LARGE1: variants seen among roughly 807,000 people sequenced by gnomAD.
The protein encoded by LARGE1 is xylosyl- and glucuronyltransferase LARGE1.
LARGE1 carries 43 observed loss-of-function variants against 87.6 expected under a neutral mutation model. The observed-to-expected ratio is 0.49, with a 90% CI of 0.38 to 0.63. The LOEUF is 0.63. Ranked by LOEUF, LARGE1 falls within the 30% of genes least tolerant of loss-of-function variation. The probability of loss-of-function intolerance (pLI) is 0.00; values close to 1 mark genes in which losing one functional copy is unlikely to be tolerated. For missense variants in LARGE1, 802 were observed against 1,000.2 expected, an observed-to-expected ratio of 0.80 and a Z score of 2.67; for synonymous variants, 434 against 394.6, an observed-to-expected ratio of 1.10 and a Z score of -1.18.
At chr22:33,393,938 T>C (rs1039365648) in intron 7 of LARGE1, among the ~76,000 whole-genome samples, 8 of 152,214 alleles carry the variant, frequency 5.3e-5, no homozygotes, top group African/African-American at 1.2e-4. Context: ...TTTTCATCTG[T>C]GGATCAGAGG....
At chr22:33,336,198 T>C (rs1938420944) in intron 10 of LARGE1, among the ~76,000 whole-genome samples, 1 of 152,040 alleles carries the variant, frequency 6.6e-6, no homozygotes, top group Admixed American at 6.6e-5. Context: ...CCATGTAAGT[T>C]TGTTGTTATT....
At chr22:33,302,436 T>C (rs1390741121) in intron 12 of LARGE1, among the ~76,000 whole-genome samples, 5 of 151,976 alleles carry the variant, frequency 3.3e-5, no homozygotes, top group Non-Finnish European at 7.4e-5. Context: ...AGGGGAGGGA[T>C]TAACACTAGG....
At chr22:33,200,937 C>T (rs183601336) in intron 11 of LARGE1, among the ~76,000 whole-genome samples, 1 of 152,204 alleles carries the variant, frequency 6.6e-6, no homozygotes, top group East Asian at 1.9e-4. Flanking sequence ...GAATGGTATA[C>T]ATCAAAGAGG....
At chr22:33,695,560 A>C (rs139030197) in intron 2 of LARGE1, among the ~76,000 whole-genome samples, 1 of 152,202 alleles carries the variant, frequency 6.6e-6, no homozygotes, top group African/African-American at 2.4e-5. Flanking sequence ...TGATGTACCA[A>C]GACCCTCTTA....
intron 11 of LARGE1, among the ~76,000 whole-genome samples, chr22:33,178,029 T>C (rs1477860949): frequency 6.6e-6 from 1 of 152,218 alleles, no homozygotes; most frequent in East Asian, 1.9e-4. Context: ...GCGAGATTCC[T>C]GAAGCCTCCC....
At chr22:33,845,817 C>T (rs1186374070) in intron 1 of LARGE1, among the ~76,000 whole-genome samples, 2 of 152,166 alleles carry the variant, frequency 1.3e-5, no homozygotes, top group Non-Finnish European at 2.9e-5. Context: ...GACTCCCTTT[C>T]TCCCCGCCCC....
chr22:33,460,647 G>C (rs1172499284), intron 6 of LARGE1, among the ~76,000 whole-genome samples: 1 of 152,130 alleles, frequency 6.6e-6, no homozygotes, highest in Non-Finnish European at 1.5e-5. Flanking sequence ...TACCTGAACT[G>C]GGGAGCCTGC....
intron 11 of LARGE1, among the ~76,000 whole-genome samples, chr22:33,241,212 T>C (rs1028551464): frequency 2.7e-5 from 4 of 145,674 alleles, no homozygotes; most frequent in Admixed American, 1.3e-4. Flanking sequence ...CTTGAAGACA[T>C]ATGCTCTCTC....
intron 6 of LARGE1, among the ~76,000 whole-genome samples, chr22:33,560,971 C>T (rs563311087): frequency 5.3e-5 from 8 of 152,082 alleles, no homozygotes; most frequent in Non-Finnish European, 8.8e-5. Context: ...TCCGCCACCA[C>T]GCCCAGCTAA....
rs532231658 is a variant in LARGE1, at chr22:33,310,911, A to C, written c.1451+5174T>G. 4.0e-5 allele frequency among the ~76,000 whole-genome samples: 6 copies of C among 151,560 alleles called. No individual in the cohort carries two copies. In the South Asian group the frequency reaches 1.3e-3, roughly 32 times the overall value. On this transcript the variant is annotated intron_variant, in intron 11 of 14. Transcript: ENST00000397394. ...CTACGCTTGGGCTGTCCATGCTTTG[A>C]AGGGAAGACCGCTATGGTTGGTGTT...
At chr22:33,474,086 T>A (rs943223779) in intron 6 of LARGE1, among the ~76,000 whole-genome samples, 3 of 152,218 alleles carry the variant, frequency 2.0e-5, no homozygotes, top group African/African-American at 7.2e-5. Context: ...GGTTACTAAA[T>A]CTGGATAATC....
intron 2 of LARGE1, among the ~76,000 whole-genome samples, chr22:33,657,833 T>TCACTCA (rs2081011322): frequency 6.6e-6 from 1 of 152,068 alleles, no homozygotes; most frequent in Non-Finnish European, 1.5e-5. Context: ...CTTGGTCAGT[T>TCACTCA]CCCCCTGAGT....
chr22:33,708,391 G>GAGA (rs2082625947), intron 2 of LARGE1, among the ~76,000 whole-genome samples: 1 of 152,126 alleles, frequency 6.6e-6, no homozygotes, highest in Non-Finnish European at 1.5e-5. Flanking sequence ...ACCCAGCCCA[G>GAGA]CCAGAAGCCC....
At position 33,384,289 on chromosome 22, in the gene LARGE1, A is replaced by C. The variant is rs1216559498; in HGVS notation, c.908T>G (p.Leu303Arg). Residue 303 changes from leucine (L) to arginine (R), a missense_variant, in exon 8 of 15, where the codon CTT (leucine) becomes CGT (arginine). This residue lies in a region of LARGE1 where 625 missense variants were observed against 841.9 expected (regional missense o/e 0.74). Transcript: ENST00000397394. ...TTTCATCTTCCGCAGCTTATCCAGA[A>C]GTAACAGGATCACCCCTGGGCAACA... ...RGYNTGVILL[L>R]LDKLRKMKWE... 1 of 1,613,860 alleles carries C rather than the reference A, an allele frequency of 6.2e-7. No individual in the cohort carries two copies. Among genetic ancestry groups the C allele is most frequent in the Non-Finnish European group, 8.5e-7 (1 of 1,179,842 alleles).
At chr22:33,607,480 A>T (rs2079300594) in intron 4 of LARGE1, among the ~76,000 whole-genome samples, 1 of 151,534 alleles carries the variant, frequency 6.6e-6, no homozygotes, top group Admixed American at 6.6e-5. Context: ...AAAAAAAAAA[A>T]AAAAGTGTCT....
chr22:33,364,514 CCA>C (rs1422277476), intron 9 of LARGE1, among the ~76,000 whole-genome samples: 2 of 152,170 alleles, frequency 1.3e-5, no homozygotes, highest in Non-Finnish European at 2.9e-5. Flanking sequence ...ACTTCAGTTA[CCA>C]GAGGTCAACC....
rs1021567074 is a variant in LARGE1, at chr22:33,274,229, C to T, written c.*198G>A. The T allele has an allele frequency of 1.1e-5, 7 of 640,432 alleles. No individual in the cohort carries two copies. Among genetic ancestry groups the T allele is most frequent in the African/African-American group, 7.2e-5 (4 of 55,208 alleles). The allele number at this position is 640,432 out of a possible 1,614,324, so 39.7% of individuals were successfully genotyped here. On this transcript the variant is annotated 3_prime_UTR_variant, in exon 15 of 15. Coordinates refer to ENST00000397394, the MANE Select transcript of LARGE1 (RefSeq NM_133642.5). ...GCTGCATAGCTAACCTCTGGGAATG[C>T]AGGGTTGTGGGGCAGAGAGGGACTG...
At chr22:33,288,614 T>C (rs1931974999) in intron 12 of LARGE1, among the ~76,000 whole-genome samples, 1 of 152,216 alleles carries the variant, frequency 6.6e-6, no homozygotes, top group Non-Finnish European at 1.5e-5. Flanking sequence ...GTGGGTCTTG[T>C]AATATATTGC....
At chr22:33,554,560 C>G (rs1246077355) in intron 6 of LARGE1, among the ~76,000 whole-genome samples, 1 of 152,164 alleles carries the variant, frequency 6.6e-6, no homozygotes, top group Non-Finnish European at 1.5e-5. Context: ...CGTCCCCATT[C>G]ATCTCTAATC....
Sources: gnomAD v4.1 joint callset for allele counts (sites outside exome capture counted in the v4.1 genomes callset) on GRCh38, gnomAD v4.1.1 for gene constraint, gnomAD v4.1.1 regional missense constraint, MANE v1.5 for transcripts, NCBI Gene and HGNC (gene_info 2026-07-23, HGNC 2026-07-21) for gene names.